Variants in CFAP65 observed in about 807,000 individuals in gnomAD.
CFAP65 encodes the protein cilia- and flagella-associated protein 65.
CFAP65 carries 155 observed loss-of-function variants against 208.0 expected under a neutral mutation model. The ratio of observed to expected loss-of-function variants is 0.75; its 90% CI spans 0.65 to 0.85. The LOEUF (loss-of-function observed/expected upper bound fraction) is 0.85. Among genes scored for constraint, CFAP65 ranks in the 40% least tolerant of loss-of-function variants. CFAP65 has a pLI of 0.00. For missense variants in CFAP65, 2,294 were observed against 2,451.3 expected (o/e 0.94, Z 1.36); for synonymous variants, 970 against 986.3 (o/e 0.98, Z 0.31).
At chr2:219,028,440 G>A (rs1282409264) in intron 11 of CFAP65, 39 bp from the exon 12 acceptor site, 1 of 1,576,546 alleles carries the variant, frequency 6.3e-7, no homozygotes, top group African/African-American at 1.3e-5. Flanking sequence ...CATGGGAGGG[G>A]TGGTAGGGCA....
At position 219,029,256 on chromosome 2, in the gene CFAP65, AGGGCTG is replaced by A. The variant is rs1462934968; in HGVS notation, c.1650+141_1650+146del. 8.5e-6 allele frequency: 9 copies of A among 1,063,944 alleles called. No individual in the cohort carries two copies. The East Asian group carries it at 2.3e-4, about 27-fold the overall frequency. The allele number at this position is 1,063,944 out of a possible 1,614,324, so 65.9% of individuals were successfully genotyped here. A position where few individuals can be genotyped will look rare whatever the true frequency, so the allele number is the denominator to read the frequency against. On this transcript the variant is annotated intron_variant, in intron 11 of 34. Coordinates refer to ENST00000341552, the MANE Select transcript of CFAP65 (RefSeq NM_194302.4). ...AGGCTGCACACTGGCTCCAAAAGCC[AGGGCTG>A]GGGCCCAGGAGTGGGAGACCACCAG...
At chr2:219,036,800 G>T (rs1161260253) in intron 4 of CFAP65, among the ~76,000 whole-genome samples, 1 of 152,170 alleles carries the variant, frequency 6.6e-6, no homozygotes, top group African/African-American at 2.4e-5. Flanking sequence ...ATAATATAAG[G>T]ATATAGTCAT....
At position 219,039,049 on chromosome 2, in the gene CFAP65, C is replaced by T; in HGVS notation, c.-1G>A. ...GTCTACAACCGGTTAAGGTAAACAT[C>T]ACTGAAATAAATCAATCAAAGCATA... On this transcript the variant is annotated splice_region_variant and 5_prime_UTR_variant, in exon 3 of 35. Transcript: ENST00000341552. 6.3e-7 allele frequency: 1 copy of T among 1,599,926 alleles called. No homozygotes were observed. Among genetic ancestry groups the T allele is most frequent in the Non-Finnish European group, 8.5e-7 (1 of 1,172,724 alleles).
At chr2:219,017,862 C>T (rs574860998) in intron 21 of CFAP65, among the ~76,000 whole-genome samples, 5 of 152,362 alleles carry the variant, frequency 3.3e-5, no homozygotes, top group African/African-American at 1.2e-4. Context: ...AAGGCAGGCC[C>T]TGGCCTTCCC....
chr2:219,027,535 T>C (rs1175351409), intron 13 of CFAP65, 115 bp downstream of exon 13: 2 of 1,612,100 alleles, frequency 1.2e-6, no homozygotes, highest in South Asian at 2.2e-5. Context: ...AGAGAAAGCC[T>C]GGCACGCAGA....
intron 16 of CFAP65, 93 bp from the exon 17 acceptor site, chr2:219,022,422 C>T (rs538599384): frequency 2.9e-5 from 41 of 1,410,876 alleles, no homozygotes; most frequent in South Asian, 1.9e-4. Flanking sequence ...CGTCATGCTA[C>T]GTTAGCCCTT....
intron 14 of CFAP65, 134 bp from the exon 15 acceptor site, chr2:219,024,394 G>A (rs1188650876): frequency 6.8e-6 from 7 of 1,032,266 alleles, no homozygotes; most frequent in East Asian, 6.3e-5. Context: ...CCCAGTCAAC[G>A]CCCTGGGAAC....
At chr2:219,028,808 C>T (rs1217669900) in intron 11 of CFAP65, among the ~76,000 whole-genome samples, 1 of 152,194 alleles carries the variant, frequency 6.6e-6, no homozygotes, top group African/African-American at 2.4e-5. Flanking sequence ...AAGGCCTCCC[C>T]CAGCCCATAC....
rs762481280 is a variant in CFAP65, at chr2:219,009,398, G to T, written c.4515C>A (p.Thr1505=). The change falls in exon 28 of 35, where the codon ACC becomes ACA. Residue 1505 remains threonine, a synonymous_variant. Transcript: ENST00000341552. ...AGCTGGCATGCACAGAGGCCCTCAA[G>T]GTCACCACAAATGGGACCGTCTCTT... is the stretch of plus-strand genomic sequence containing the variant. ...APEETVPFVV[T]LRASVHASFY... is the part of the protein sequence containing the mutation. 1.6e-5 allele frequency: 26 copies of T among 1,612,714 alleles called. No individual in the cohort carries two copies. Among genetic ancestry groups the T allele is most frequent in the South Asian group, 6.6e-5 (6 of 91,078 alleles).
chr2:219,013,062 A>G (rs1034243139), intron 24 of CFAP65, among the ~76,000 whole-genome samples, 197 bp downstream of exon 24: 47 of 152,344 alleles, frequency 3.1e-4, no homozygotes, highest in African/African-American at 1.1e-3. Flanking sequence ...CAAAGGGCTT[A>G]GCACCAGGAA....
At position 219,025,980 on chromosome 2, in the gene CFAP65, G is replaced by C. The variant is rs544714558; in HGVS notation, c.2349+42C>G. The C allele has an allele frequency of 1.2e-5, 20 of 1,605,286 alleles. No homozygotes were observed. The Admixed American group carries it at 3.2e-4, about 25-fold the overall frequency. ...TCTGCAGGCCAAGGCAGAAGCTAGG[G>C]CTCCCCTGTCTCCCTCCCACTGCTG... On this transcript the variant is annotated intron_variant, in intron 14 of 34. Coordinates refer to ENST00000341552, the MANE Select transcript of CFAP65 (RefSeq NM_194302.4).
chr2:219,006,232 AGG>A lies in CFAP65; in HGVS notation c.4720-11_4720-10del. 6.2e-7 allele frequency: 1 copy of A among 1,602,638 alleles called. No homozygotes were observed. The highest frequency in any genetic ancestry group is 8.5e-7 in the Non-Finnish European group (1 of 1,172,312). ...TTGATGGGAGGCAGTGTCTTTGGGA[AGG>A]GAGGGACATGGATGACAAGGGTTTG... On this transcript the variant is annotated splice_polypyrimidine_tract_variant and intron_variant, in intron 30 of 34. Coordinates refer to ENST00000341552, the MANE Select transcript of CFAP65 (RefSeq NM_194302.4).
At position 219,004,868 on chromosome 2, in the gene CFAP65, C is replaced by A. The variant is rs540785009; in HGVS notation, c.5052-413G>T. On this transcript the variant is annotated intron_variant, in intron 32 of 34. Coordinates refer to ENST00000341552, the MANE Select transcript of CFAP65 (RefSeq NM_194302.4). The surrounding 1 kb of genome is among the most constrained non-coding windows in gnomAD (Gnocchi z 4.7). Reference sequence around the variant, plus strand: ...CGTGGTGGGATCTTGCAAAGAAGTTCTGTTTCTTTTTTTCTTTTCTCTCTC... The same window carrying A: ...CGTGGTGGGATCTTGCAAAGAAGTTATGTTTCTTTTTTTCTTTTCTCTCTC... Among the ~76,000 whole-genome samples, 56 of 148,026 alleles carry A rather than the reference C, an allele frequency of 3.8e-4. No individual in the cohort carries two copies. The highest frequency in any genetic ancestry group is 1.5e-3 in the African/African-American group (55 of 37,718).
intron 5 of CFAP65, 121 bp downstream of exon 5, chr2:219,035,359 C>T: frequency 6.3e-7 from 1 of 1,583,644 alleles, no homozygotes; most frequent in Non-Finnish European, 8.6e-7. Flanking sequence ...ATTTTAAACA[C>T]TCACTGGCTT....
At position 219,034,988 on chromosome 2, in the gene CFAP65, A is replaced by G. The variant is rs559353135; in HGVS notation, c.542+492T>C. ...AGCAAGTGAACAGGTACATGGCCCA[A>G]GCCTCCGCAATTCTACTCCTGCGTC... On this transcript the variant is annotated intron_variant, in intron 5 of 34. Coordinates refer to ENST00000341552, the MANE Select transcript of CFAP65 (RefSeq NM_194302.4). 1.6e-4 allele frequency: 37 copies of G among 233,816 alleles called. 1 individual carries two copies. Among genetic ancestry groups the G allele is most frequent in the South Asian group, 8.4e-4 (11 of 13,058 alleles). The allele number at this position is 233,816 out of a possible 1,614,324, so 14.5% of individuals were successfully genotyped here.
rs1390437420 is a variant in CFAP65, at chr2:219,032,358, C to A, written c.645+112G>T. 2 of 845,788 alleles carry A rather than the reference C, an allele frequency of 2.4e-6. No individual in the cohort carries two copies. 52.4% of individuals were successfully genotyped at this position (845,788 alleles called of 1,614,324 possible). On this transcript the variant is annotated intron_variant, in intron 6 of 34. Coordinates refer to ENST00000341552, the MANE Select transcript of CFAP65 (RefSeq NM_194302.4). This position sits in a 1 kb window ranked among gnomAD's most constrained non-coding sequence, Gnocchi z 5.5. ...CTCCCAAGCTGGATTGCTGCTGGAG[C>A]GGGCAGCATGTGTGTGTGCCGGGGC... is the stretch of plus-strand genomic sequence containing the variant.
At chr2:219,021,728 C>T (rs560773740) in intron 18 of CFAP65, 52 bp downstream of exon 18, 1 of 1,600,324 alleles carries the variant, frequency 6.2e-7, no homozygotes, top group South Asian at 1.1e-5. Context: ...CGGTCTTAAC[C>T]AGTACCTCCT....
In CFAP65 at chr2:219,006,705, G is replaced by A. The variant is rs545891237; in HGVS notation, c.4675-196C>T. Among the ~76,000 whole-genome samples the A allele has an allele frequency of 3.5e-4, 53 of 152,210 alleles. 1 individual carries two copies. The highest frequency in any genetic ancestry group is 9.8e-4 in the Admixed American group (15 of 15,294). ...AAAAATTAGTCAGATGCGGTAGCAC[G>A]TGCCTGTAGTCTCAGCTGCTCAGGA... On this transcript the variant is annotated intron_variant, in intron 29 of 34. Transcript: ENST00000341552.
rs200544990 is a variant in CFAP65 at position 219,038,468 on chromosome 2, A to G, written c.264T>C (p.Ser88=). Residue 88 remains serine (S), a synonymous_variant, in exon 4 of 35, where the codon TCT becomes TCC. Transcript: ENST00000341552. ...SRNSRNHTVN[S]GGSCLSASTV... ...TGCTGGCACTCAGGCAGGATCCACC[A>G]GAGTTCACGGTGTGGTTCCTGCTGT... is the stretch of plus-strand genomic sequence containing the variant. 1.6e-4 allele frequency: 260 copies of G among 1,614,116 alleles called. No individual in the cohort carries two copies. The highest frequency in any genetic ancestry group is 2.0e-4 in the Non-Finnish European group (239 of 1,180,026).
Sources: gnomAD v4.1 joint callset for allele counts (sites outside exome capture counted in the v4.1 genomes callset) on GRCh38, gnomAD v4.1.1 for gene constraint, Gnocchi (gnomAD v3.1) non-coding constraint, MANE v1.5 for transcripts, NCBI Gene and HGNC (gene_info 2026-07-23, HGNC 2026-07-21) for gene names.